ADGRA1: variants seen among roughly 807,000 people sequenced by gnomAD.
ADGRA1 encodes the protein G-protein coupled receptor 123.
A neutral mutation model predicts 21.3 loss-of-function variants in ADGRA1; 12 were observed. That is an observed-to-expected ratio of 0.56 (90% confidence interval 0.36 to 0.91). ADGRA1 has a LOEUF of 0.91. Ranked by LOEUF, ADGRA1 falls within the 40% of genes least tolerant of loss-of-function variation. ADGRA1 has a pLI of 0.01. For synonymous variants in ADGRA1, 385 were observed against 368.8 expected (o/e 1.04, Z -0.50); for missense variants, 790 against 805.6 (o/e 0.98, Z 0.23).
chr10:133,117,989 A>G (rs978345888), intron 5 of ADGRA1, among the ~76,000 whole-genome samples: 1 of 152,192 alleles, frequency 6.6e-6, no homozygotes, highest in African/African-American at 2.4e-5. Flanking sequence ...GCTGTGTTTG[A>G]CAGTGGAGGC....
chr10:133,096,427 C>T (rs570277495), intron 2 of ADGRA1, among the ~76,000 whole-genome samples: 34 of 152,324 alleles, frequency 2.2e-4, no homozygotes, highest in African/African-American at 7.5e-4. Flanking sequence ...GTGGAGTTTG[C>T]GGCCTCCGGT....
At chr10:133,124,145 C>T (rs1591188416) in intron 5 of ADGRA1, among the ~76,000 whole-genome samples, 1 of 151,714 alleles carries the variant, frequency 6.6e-6, no homozygotes, top group South Asian at 2.1e-4. Context: ...CCCGGCCAGC[C>T]CACCCTCTTG....
In ADGRA1 at chr10:133,129,010, G is replaced by A. The variant is rs1369693961; in HGVS notation, c.1182G>A (p.Ala394=). 2.5e-6 allele frequency: 4 copies of A among 1,568,740 alleles called. No homozygotes were observed. Among genetic ancestry groups the A allele is most frequent in the Middle Eastern group, 1.7e-4 (1 of 5,918 alleles). Residue 394 remains alanine (A), a synonymous_variant, in exon 7 of 7, where the codon GCG becomes GCA. Coordinates refer to ENST00000392607, the MANE Select transcript of ADGRA1 (RefSeq NM_001083909.3). ...AGATGCACTGCGAGCCACTGACGGC[G>A]GACGAGGCGCACGTGCACCTGCAGG... ...CAKMHCEPLT[A]DEAHVHLQEE... is the part of the protein sequence containing the mutation.
intron 5 of ADGRA1, among the ~76,000 whole-genome samples, chr10:133,115,019 G>A (rs1011348138): frequency 2.6e-5 from 4 of 152,184 alleles, no homozygotes; most frequent in East Asian, 1.9e-4. Flanking sequence ...CCATGAGTGC[G>A]ACTGGTTGGT....
rs9419122 is a variant in ADGRA1 at position 133,128,806 on chromosome 10, C to T, written c.978C>T (p.Asp326=). The T allele has an allele frequency of 1.1e-3, 1,706 of 1,607,324 alleles. 11 individuals are homozygous for T. In the African/African-American group the frequency reaches 0.019, roughly 17 times the overall value. ...CWWACCPPRK[D]AHPALDANGA... ...GGGCATGCTGCCCGCCCCGCAAGGA[C>T]GCCCACCCCGCACTTGACGCCAACG... Residue 326 remains aspartate, a synonymous_variant, in exon 7 of 7, where the codon GAC becomes GAT. Coordinates refer to ENST00000392607, the MANE Select transcript of ADGRA1 (RefSeq NM_001083909.3).
At chr10:133,124,829 CCCCCGGCCCCGG>C (rs59424819) in intron 5 of ADGRA1, among the ~76,000 whole-genome samples, 30,041 of 151,994 alleles carry the variant, frequency 0.2, 3,546 homozygotes, top group East Asian at 0.45. Context: ...GCACCCCCTT[CCCCCGGCCCCGG>C]CCCCGGCCCC....
At chr10:133,099,338 T>G (rs570295026) in intron 4 of ADGRA1, among the ~76,000 whole-genome samples, 12 of 152,054 alleles carry the variant, frequency 7.9e-5, no homozygotes, top group Admixed American at 2.6e-4. Flanking sequence ...GGGCACACAC[T>G]CCGGTCCAGG....
chr10:133,131,593 C>T lies in ADGRA1; in HGVS notation c.*2082C>T. 6.6e-6 allele frequency: 1 copy of T among 152,488 alleles called. No individual in the cohort carries two copies. The highest frequency in any genetic ancestry group is 1.9e-4 in the East Asian group (1 of 5,186). 9.4% of individuals were successfully genotyped at this position (152,488 alleles called of 1,614,324 possible). A position where few individuals can be genotyped will look rare whatever the true frequency, so the allele number is the denominator to read the frequency against. On this transcript the variant is annotated 3_prime_UTR_variant, in exon 7 of 7. Coordinates refer to ENST00000392607, the MANE Select transcript of ADGRA1 (RefSeq NM_001083909.3). ...TCATGAACTTTCCACCCTCAGTGCCCCCGGCTGAGCAGAGAGGCGTCCCAC... is the reference window on the plus strand; with the variant it reads ...TCATGAACTTTCCACCCTCAGTGCCTCCGGCTGAGCAGAGAGGCGTCCCAC...
At chr10:133,101,587 G>A (rs1261735076) in intron 4 of ADGRA1, among the ~76,000 whole-genome samples, 3 of 152,200 alleles carry the variant, frequency 2.0e-5, no homozygotes, top group Non-Finnish European at 2.9e-5. Context: ...CAGCGCCCCG[G>A]GCAGTGACAC....
At chr10:133,096,615 C>T (rs1851693902) in intron 2 of ADGRA1, among the ~76,000 whole-genome samples, 1 of 152,252 alleles carries the variant, frequency 6.6e-6, no homozygotes, top group Non-Finnish European at 1.5e-5. Flanking sequence ...CAGATCCCAC[C>T]TGGCCACCCG....
chr10:133,088,547 C>CCACCGG (rs1851542832), intron 1 of ADGRA1, 161 bp from the exon 2 acceptor site: 1 of 303,966 alleles, frequency 3.3e-6, no homozygotes, highest in Admixed American at 5.4e-5. Context: ...CCACCGGTCC[C>CCACCGG]CACCGGCACC....
At chr10:133,097,499 G>A (rs1282960274) in intron 3 of ADGRA1, among the ~76,000 whole-genome samples, 4 of 152,220 alleles carry the variant, frequency 2.6e-5, no homozygotes, top group South Asian at 2.1e-4. Context: ...GTGTCCAGCC[G>A]CAGTCAGGGT....
rs1564849630 is a variant in ADGRA1 at position 133,111,930 on chromosome 10, CGTG to C, written c.401+9089_401+9091del. On this transcript the variant is annotated intron_variant, in intron 5 of 6. Coordinates refer to ENST00000392607, the MANE Select transcript of ADGRA1 (RefSeq NM_001083909.3). ...TAATGCCTCCAGACCACCTGCCCGCCGTGAGCACCTCCCTCCTAATCCCTCCAG... is the reference window on the plus strand; with the variant it reads ...TAATGCCTCCAGACCACCTGCCCGCCAGCACCTCCCTCCTAATCCCTCCAG... Among the ~76,000 whole-genome samples, 158 of 59,672 alleles carry C rather than the reference CGTG, an allele frequency of 2.6e-3. 41 individuals carry two copies. The highest frequency in any genetic ancestry group is 7.0e-3 in the South Asian group (11 of 1,578). The allele number at this position is 59,672 out of a possible 152,430, so 39.1% of individuals were successfully genotyped here.
At chr10:133,095,522 G>A (rs1467899301) in intron 2 of ADGRA1, 6 of 1,127,938 alleles carry the variant, frequency 5.3e-6, no homozygotes, top group Admixed American at 2.9e-5. Context: ...CTTCGCCCTC[G>A]CACAGGTCCA....
chr10:133,122,496 T>C (rs1037597899), intron 5 of ADGRA1, among the ~76,000 whole-genome samples: 3 of 152,250 alleles, frequency 2.0e-5, no homozygotes, highest in African/African-American at 7.2e-5. Flanking sequence ...GTGCCCCCTC[T>C]ACTGCGAAGC....
chr10:133,102,896 T>C, intron 5 of ADGRA1, 54 bp downstream of exon 5: 1 of 1,563,206 alleles, frequency 6.4e-7, no homozygotes, highest in Non-Finnish European at 8.7e-7. Context: ...GGACGCTGCA[T>C]GCACCTTCTG....
At chr10:133,090,159 C>A (rs1591163662) in intron 2 of ADGRA1, among the ~76,000 whole-genome samples, 1 of 152,386 alleles carries the variant, frequency 6.6e-6, no homozygotes, top group Non-Finnish European at 1.5e-5. Flanking sequence ...CTCTCATCCC[C>A]TTCCTCGCCT....
At chr10:133,089,481 T>A (rs1851562599) in intron 2 of ADGRA1, among the ~76,000 whole-genome samples, 1 of 152,166 alleles carries the variant, frequency 6.6e-6, no homozygotes, top group South Asian at 2.1e-4. Flanking sequence ...GCCGAGCCCA[T>A]CGTGGGTCCC....
chr10:133,106,331 C>T (rs1851893032), intron 5 of ADGRA1, among the ~76,000 whole-genome samples: 2 of 152,244 alleles, frequency 1.3e-5, no homozygotes, highest in Admixed American at 6.5e-5. Flanking sequence ...CAGCAGCATC[C>T]GGTGAGGCCC....
Sources: allele counts gnomAD v4.1 joint callset (sites outside exome capture counted in the v4.1 genomes callset), GRCh38; gene constraint gnomAD v4.1.1; transcripts MANE v1.5; gene names NCBI Gene and HGNC (gene_info 2026-07-23, HGNC 2026-07-21).